SEMA4B: variants seen among roughly 807,000 people sequenced by gnomAD.
The protein encoded by SEMA4B is semaphorin-4B.
In SEMA4B, 55 loss-of-function variants were observed where a neutral mutation model predicts 88.1. The observed-to-expected ratio is 0.62, with a 90% confidence interval of 0.50 to 0.78. The LOEUF is 0.78. Among genes scored for constraint, SEMA4B ranks in the 30% least tolerant of loss-of-function variants. SEMA4B has a pLI of 0.00. For missense variants in SEMA4B, 1,062 were observed against 1,111.9 expected (o/e 0.96, Z 0.64); for synonymous variants, 525 against 473.6 (o/e 1.11, Z -1.41).
chr15:90,224,801 C>T (rs978237631), intron 9 of SEMA4B, among the ~76,000 whole-genome samples, 167 bp from the exon 10 acceptor site: 1 of 152,186 alleles, frequency 6.6e-6, no homozygotes, highest in Admixed American at 6.5e-5. Context: ...GGGCTTTGTC[C>T]TTGCTCCCTC....
At chr15:90,227,732 C>T (rs756106520) in intron 13 of SEMA4B, 90 bp downstream of exon 13, 12 of 1,483,678 alleles carry the variant, frequency 8.1e-6, no homozygotes, top group Admixed American at 5.6e-5. Flanking sequence ...AAATGCCTTT[C>T]CTCACTTCCT....
At chr15:90,227,784 C>T (rs1962248658) in intron 13 of SEMA4B, 120 bp from the exon 14 acceptor site, 1 of 1,495,144 alleles carries the variant, frequency 6.7e-7, no homozygotes, top group Non-Finnish European at 9.1e-7. Flanking sequence ...AAGACTCAGT[C>T]CCAGGGGTCC....
intron 1 of SEMA4B, chr15:90,206,994 AAC>A: frequency 2.0e-6 from 1 of 493,946 alleles, no homozygotes; most frequent in East Asian, 4.2e-5. Flanking sequence ...TCACAAAAAA[AAC>A]AAAAAAAGCC....
intron 3 of SEMA4B, 131 bp downstream of exon 3, chr15:90,217,960 T>A (rs1961618272): frequency 1.4e-6 from 1 of 724,118 alleles, no homozygotes; most frequent in Admixed American, 2.6e-5. Context: ...CTTCTGAGAT[T>A]ACCCGGCCTG....
rs1391612235 is a variant in SEMA4B, at chr15:90,228,453, T to C, written c.2324T>C (p.Leu775Pro). 14 of 1,610,256 alleles carry C rather than the reference T, an allele frequency of 8.7e-6. No individual in the cohort carries two copies. The highest frequency in any genetic ancestry group is 1.1e-5 in the Non-Finnish European group (13 of 1,178,764). The change falls in exon 14 of 14, where the codon CTA becomes CCA. Residue 775 changes from leucine to proline, a missense_variant. Coordinates refer to ENST00000411539, the MANE Select transcript of SEMA4B (RefSeq NM_198925.4). The part of the protein sequence containing the change: ...LPPETRPLNG[L>P]GPPSTPLDHR... ...CCTGAGACCCGCCCACTCAACGGCC[T>C]AGGGCCCCCTAGCACCCCGCTCGAT...
intron 1 of SEMA4B, among the ~76,000 whole-genome samples, chr15:90,195,696 ACCTCCTAGGTTCAAGCAGT>A (rs1016633409): frequency 6.6e-6 from 1 of 150,744 alleles, no homozygotes; most frequent in African/African-American, 2.4e-5. Context: ...TGCACCCTTG[ACCTCCTAGGTTCAAGCAGT>A]CCTCCTGCCT....
intron 1 of SEMA4B, among the ~76,000 whole-genome samples, chr15:90,208,593 G>C (rs1344661661): frequency 6.6e-6 from 1 of 152,174 alleles, no homozygotes; most frequent in African/African-American, 2.4e-5. Flanking sequence ...TCTCAGGACT[G>C]AGAATTTGTT....
rs1229243974 is a variant in SEMA4B at position 90,217,826 on chromosome 15, A to C, written c.381A>C (p.Pro127=). 6.2e-7 allele frequency: 1 copy of C among 1,611,878 alleles called. No individual in the cohort carries two copies. Reference sequence around the variant, plus strand: ...AGTGCAGCTTCAAGGGCAAGGACCCACAGGTGAGCCCACACCTGGAAGGGA... The same window carrying C: ...AGTGCAGCTTCAAGGGCAAGGACCCCCAGGTGAGCCCACACCTGGAAGGGA... ...KQQCSFKGKD[P]QRDCQNYIKI... is the part of the protein sequence containing the mutation. Residue 127 remains proline, a synonymous_variant, in exon 3 of 14, where the codon CCA becomes CCC. Transcript: ENST00000411539.
At chr15:90,223,022 GT>G (rs1379879484) in intron 7 of SEMA4B, among the ~76,000 whole-genome samples, 2 of 146,222 alleles carry the variant, frequency 1.4e-5, no homozygotes, top group African/African-American at 5.1e-5. Context: ...CCAGGCTGGT[GT>G]GCAGCGGTGA....
intron 1 of SEMA4B, among the ~76,000 whole-genome samples, chr15:90,193,813 C>A (rs916892144): frequency 1.3e-5 from 2 of 151,636 alleles, no homozygotes; most frequent in Non-Finnish European, 2.9e-5. Flanking sequence ...TTGACTTTGA[C>A]AAGATTTCTT....
chr15:90,214,633 CAAAAAA>C (rs766089827), intron 1 of SEMA4B, among the ~76,000 whole-genome samples: 29 of 94,274 alleles, frequency 3.1e-4, no homozygotes, highest in African/African-American at 9.2e-4. Context: ...AACACCATCT[CAAAAAA>C]AAAAAAAAAA....
Position 90,224,188 on chromosome 15 carries a change from G to T in SEMA4B, c.1194+200G>T, listed in dbSNP as rs115651924. Among the ~76,000 whole-genome samples, 773 of 152,354 alleles carry T rather than the reference G, an allele frequency of 5.1e-3. 8 individuals carry two copies. Among genetic ancestry groups the T allele is most frequent in the African/African-American group, 0.017 (703 of 41,578 alleles). On this transcript the variant is annotated intron_variant, in intron 9 of 13. Coordinates refer to ENST00000411539, the MANE Select transcript of SEMA4B (RefSeq NM_198925.4). ...AAGTATGAATGTCAGAATATCTTCA[G>T]TTCTGTTTCAGGATACAAGTGTGTC...
chr15:90,204,837 G>A (rs1960915029), intron 1 of SEMA4B, among the ~76,000 whole-genome samples: 1 of 152,122 alleles, frequency 6.6e-6, no homozygotes, highest in South Asian at 2.1e-4. Flanking sequence ...GTACAGTGAT[G>A]CCATCTCCGC....
rs1960717680 is a variant in SEMA4B, at chr15:90,201,457, G to C, written c.-122G>C. On this transcript the variant is annotated 5_prime_UTR_variant, in exon 1 of 14. Coordinates refer to ENST00000411539, the MANE Select transcript of SEMA4B (RefSeq NM_198925.4). ...CCTGTTTCCCACCTCCCGCCCCCCA[G>C]GTCCGGAGGCGGGGGCCCCCGGGGC... The C allele has an allele frequency of 4.6e-6, 6 of 1,304,536 alleles. No homozygotes were observed. The highest frequency in any genetic ancestry group is 5.8e-6 in the Non-Finnish European group (6 of 1,029,616). 80.8% of individuals were successfully genotyped at this position (1,304,536 alleles called of 1,614,324 possible).
At position 90,189,662 on chromosome 15, in the gene SEMA4B, A is replaced by G. The variant is rs185869468; in HGVS notation, c.-122+4581A>G. ...GGTATAATTTCTTTTTTTCTGATAA[A>G]GGCTAATTTTGAAAGTTCCTTGTGT... On this transcript the variant is annotated intron_variant, in intron 1 of 14. Coordinates refer to the SEMA4B transcript ENST00000332496. 1.2e-3 allele frequency among the ~76,000 whole-genome samples: 177 copies of G among 152,274 alleles called. 1 individual carries two copies. The highest frequency in any genetic ancestry group is 4.0e-3 in the African/African-American group (168 of 41,560).
At chr15:90,224,159 A>G (rs568360031) in intron 9 of SEMA4B, among the ~76,000 whole-genome samples, 171 bp downstream of exon 9, 7 of 152,326 alleles carry the variant, frequency 4.6e-5, no homozygotes, top group South Asian at 2.1e-4. Context: ...ACTGGGTTAG[A>G]TATAAGTATG....
At chr15:90,199,071 A>G (rs1960609619), upstream of SEMA4B, among the ~76,000 whole-genome samples, 1 of 152,082 alleles carries the variant, frequency 6.6e-6, no homozygotes, top group Non-Finnish European at 1.5e-5. Context: ...ATGGGGATTC[A>G]CCATGTTGGC....
intron 1 of SEMA4B, among the ~76,000 whole-genome samples, chr15:90,185,574 T>G (rs1596109775): frequency 6.6e-6 from 1 of 152,310 alleles, no homozygotes; most frequent in East Asian, 1.9e-4. Flanking sequence ...TCGGGAGTTA[T>G]TCTGGTCTAG....
At chr15:90,194,109 C>T (rs1167553723) in intron 1 of SEMA4B, among the ~76,000 whole-genome samples, 2 of 152,096 alleles carry the variant, frequency 1.3e-5, no homozygotes, top group Non-Finnish European at 2.9e-5. Flanking sequence ...ACCTCAGCCT[C>T]CTAAAGTGCT....
Sources: gnomAD v4.1 joint callset for allele counts (sites outside exome capture counted in the v4.1 genomes callset) on GRCh38, gnomAD v4.1.1 for gene constraint, MANE v1.5 for transcripts, NCBI Gene and HGNC (gene_info 2026-07-23, HGNC 2026-07-21) for gene names.